The following KCNIP1 variants were observed in gnomAD, a reference collection of about 807,000 sequenced individuals.
KCNIP1 encodes potassium voltage-gated channel interacting protein 1, also known as A-type potassium channel modulatory protein KCNIP1.
In KCNIP1, 18 loss-of-function variants were observed where a neutral mutation model predicts 33.0. That is an observed-to-expected ratio of 0.55 (90% CI 0.38 to 0.81). The LOEUF is 0.81. Ranked by LOEUF, KCNIP1 falls within the 30% of genes least tolerant of loss-of-function variation. The pLI is 0.00. For synonymous variants in KCNIP1, 93 were observed against 98.3 expected (o/e 0.95, Z 0.32); for missense variants, 238 against 271.6 (o/e 0.88, Z 0.87).
chr5:170,594,799 C>G (rs1407836108), intron 1 of KCNIP1, among the ~76,000 whole-genome samples: 1 of 152,236 alleles, frequency 6.6e-6, no homozygotes, highest in Non-Finnish European at 1.5e-5. Flanking sequence ...GCATGAGCCA[C>G]TGCACCCAGC....
At chr5:170,630,763 G>T (rs1760025405) in intron 1 of KCNIP1, among the ~76,000 whole-genome samples, 1 of 152,212 alleles carries the variant, frequency 6.6e-6, no homozygotes, top group Non-Finnish European at 1.5e-5. Context: ...GCCTGGTGGG[G>T]AGGAATGGGA....
chr5:170,467,917 CAAAAAAAAAAAA>C (rs55671124), intron 1 of KCNIP1, among the ~76,000 whole-genome samples: 2 of 41,952 alleles, frequency 4.8e-5, no homozygotes, highest in African/African-American at 1.7e-4. Flanking sequence ...GATTCCATCT[CAAAAAAAAAAAA>C]AAAAAAAAAA....
chr5:170,378,492 A>T, intron 1 of KCNIP1: 1 of 595,170 alleles, frequency 1.7e-6, no homozygotes, highest in Non-Finnish European at 2.9e-6. Context: ...ATGGCCTCCA[A>T]GGCATTGGGG....
At chr5:170,583,485 C>A (rs754640585) in intron 1 of KCNIP1, among the ~76,000 whole-genome samples, 6 of 152,236 alleles carry the variant, frequency 3.9e-5, no homozygotes, top group African/African-American at 1.4e-4. Flanking sequence ...AATGTAAAAG[C>A]CCTCATGGGT....
At chr5:170,618,165 C>A (rs527346355) in intron 1 of KCNIP1, among the ~76,000 whole-genome samples, 1 of 152,020 alleles carries the variant, frequency 6.6e-6, no homozygotes, top group South Asian at 2.1e-4. Context: ...TGTAAACATC[C>A]GGGCGTAATC....
chr5:170,726,132 G>T (rs1250587953), intron 5 of KCNIP1, among the ~76,000 whole-genome samples: 2 of 152,122 alleles, frequency 1.3e-5, no homozygotes, highest in Non-Finnish European at 2.9e-5. Context: ...AAAATTTTGT[G>T]CTTTAGAAGA....
rs1175928909 is a variant in KCNIP1, at chr5:170,703,733, T to C, written c.62-15025T>C. 2.2e-5 allele frequency among the ~76,000 whole-genome samples: 3 copies of C among 138,272 alleles called. 1 individual carries two copies. Among genetic ancestry groups the C allele is most frequent in the South Asian group, 5.3e-4 (2 of 3,770 alleles). 90.7% of individuals were successfully genotyped at this position (138,272 alleles called of 152,430 possible). On this transcript the variant is annotated intron_variant, in intron 1 of 7. Coordinates refer to ENST00000328939, the MANE Select transcript of KCNIP1 (RefSeq NM_014592.4). ...TACCCGCTAAATTAGCCAAATACTTTCCAGATATTCCCTGGGCCACTGTCT... is the reference window on the plus strand; with the variant it reads ...TACCCGCTAAATTAGCCAAATACTTCCCAGATATTCCCTGGGCCACTGTCT...
At chr5:170,475,526 T>C (rs1756837956) in intron 1 of KCNIP1, among the ~76,000 whole-genome samples, 2 of 152,172 alleles carry the variant, frequency 1.3e-5, no homozygotes, top group Admixed American at 1.3e-4. Flanking sequence ...CTTAGGTTGT[T>C]CTAAGTTAAG....
intron 1 of KCNIP1, chr5:170,712,785 T>C: frequency 6.7e-7 from 1 of 1,489,948 alleles, no homozygotes; most frequent in Non-Finnish European, 9.4e-7. Flanking sequence ...CCTCTCTCCA[T>C]TGACAATAAA....
At chr5:170,599,881 C>T (rs908711985) in intron 1 of KCNIP1, among the ~76,000 whole-genome samples, 4 of 152,248 alleles carry the variant, frequency 2.6e-5, no homozygotes, top group African/African-American at 7.2e-5. Flanking sequence ...CACAGCACTT[C>T]CGTCCTTTTA....
chr5:170,376,077 A>C (rs1689339950), intron 1 of KCNIP1: 1 of 152,094 alleles, frequency 6.6e-6, no homozygotes, highest in South Asian at 2.1e-4. Flanking sequence ...GCACAGAATA[A>C]ATAAGCACCC....
At chr5:170,411,878 G>A (rs1755199966) in intron 1 of KCNIP1, among the ~76,000 whole-genome samples, 1 of 152,166 alleles carries the variant, frequency 6.6e-6, no homozygotes, top group South Asian at 2.1e-4. Context: ...AGAAGAGGGG[G>A]CAGTCTGGGC....
intron 7 of KCNIP1, among the ~76,000 whole-genome samples, chr5:170,735,105 G>T (rs1764335372): frequency 6.6e-6 from 1 of 152,144 alleles, no homozygotes; most frequent in African/African-American, 2.4e-5. Context: ...TTTCATTTCT[G>T]ATATTGATAA....
chr5:170,534,465 AGGGAGAAGG>A (rs1412746375), intron 1 of KCNIP1, among the ~76,000 whole-genome samples: 3 of 143,604 alleles, frequency 2.1e-5, no homozygotes, highest in African/African-American at 8.4e-5. Flanking sequence ...AGAGAGGGAG[AGGGAGAAGG>A]AGGAGGAGGA....
At chr5:170,660,774 C>T (rs533991855) in intron 1 of KCNIP1, among the ~76,000 whole-genome samples, 86 of 152,378 alleles carry the variant, frequency 5.6e-4, no homozygotes, top group African/African-American at 1.5e-3. Context: ...CCTCCTTCCA[C>T]GCCCAGCAGA....
intron 1 of KCNIP1, among the ~76,000 whole-genome samples, chr5:170,714,390 G>A (rs985724849): frequency 3.3e-5 from 5 of 152,214 alleles, no homozygotes; most frequent in Non-Finnish European, 5.9e-5. Flanking sequence ...ATTGCTCAAC[G>A]ACTTAGGACT....
At position 170,443,901 on chromosome 5, in the gene KCNIP1, G is replaced by T. The variant is rs377636158; in HGVS notation, c.88+89937G>T. 6.6e-5 allele frequency among the ~76,000 whole-genome samples: 10 copies of T among 152,218 alleles called. No homozygotes were observed. In the East Asian group the frequency reaches 1.2e-3, roughly 18 times the overall value. ...AGAAAGGGAGTCAGGCCCAGGGCAG[G>T]GGTGGGGGCTGGGGTCTGCTTTCTC... is the stretch of plus-strand genomic sequence containing the variant. On this transcript the variant is annotated intron_variant, in intron 1 of 7. Transcript: ENST00000377360.
intron 1 of KCNIP1, among the ~76,000 whole-genome samples, chr5:170,599,134 ACTC>A (rs1751636925): frequency 6.6e-6 from 1 of 151,652 alleles, no homozygotes; most frequent in Non-Finnish European, 1.5e-5. Context: ...GAACTGACTC[ACTC>A]CTCCTTCCTC....
chr5:170,680,752 C>T (rs1440920962), intron 1 of KCNIP1: 1 of 228,372 alleles, frequency 4.4e-6, no homozygotes, highest in Non-Finnish European at 8.5e-6. Context: ...GAGAATATGC[C>T]ATGAGATGTT....
Sources: gnomAD v4.1 joint callset for allele counts (sites outside exome capture counted in the v4.1 genomes callset) on GRCh38, gnomAD v4.1.1 for gene constraint, MANE v1.5 for transcripts, NCBI Gene and HGNC (gene_info 2026-07-23, HGNC 2026-07-21) for gene names.